CDH18: variants seen among roughly 807,000 people sequenced by gnomAD.
CDH18 encodes the protein cadherin-18.
In CDH18, 31 loss-of-function variants were observed where a neutral mutation model predicts 67.9. That is an observed-to-expected ratio of 0.46 (90% CI 0.34 to 0.62). The LOEUF is 0.62. Ranked by LOEUF, CDH18 falls within the 20% of genes least tolerant of loss-of-function variation. The pLI is 0.01. For missense variants in CDH18, 890 were observed against 975.5 expected (o/e 0.91, Z 1.17); for synonymous variants, 362 against 347.2 (o/e 1.04, Z -0.48).
At chr5:19,875,711 ATTTG>A (rs569772906) in intron 2 of CDH18, among the ~76,000 whole-genome samples, 23 of 152,002 alleles carry the variant, frequency 1.5e-4, no homozygotes, top group African/African-American at 2.4e-4. Flanking sequence ...TCTAGAAAGA[ATTTG>A]TTTACTTTTT....
intron 2 of CDH18, among the ~76,000 whole-genome samples, chr5:20,025,366 A>G (rs1339876018): frequency 6.6e-6 from 1 of 152,206 alleles, no homozygotes; most frequent in Non-Finnish European, 1.5e-5. Context: ...AATAATCAAT[A>G]ATTACAACTT....
At chr5:20,027,237 AATAT>A (rs1192829767) in intron 2 of CDH18, among the ~76,000 whole-genome samples, 3 of 152,278 alleles carry the variant, frequency 2.0e-5, no homozygotes, top group African/African-American at 7.2e-5. Context: ...TATGTGTTTG[AATAT>A]ATAAATAGCT....
chr5:20,572,684 T>A (rs751252785), intron 1 of CDH18, among the ~76,000 whole-genome samples: 3 of 152,128 alleles, frequency 2.0e-5, no homozygotes, highest in Non-Finnish European at 4.4e-5. Context: ...AGTGGTTTGA[T>A]GAGTATAACA....
chr5:19,779,191 A>G (rs1415294352), intron 3 of CDH18, among the ~76,000 whole-genome samples: 4 of 152,182 alleles, frequency 2.6e-5, no homozygotes, highest in African/African-American at 9.6e-5. Context: ...CAACAAGTTA[A>G]TAGCAGACAG....
chr5:20,371,023 C>T lies in CDH18; in HGVS notation c.-579-115518G>A, dbSNP rs1306246224. Among the ~76,000 whole-genome samples, 5 of 144,436 alleles carry T rather than the reference C, an allele frequency of 3.5e-5. No individual in the cohort carries two copies. The East Asian group carries it at 6.6e-4, about 19-fold the overall frequency. 94.8% of individuals were successfully genotyped at this position (144,436 alleles called of 152,430 possible). A position where few individuals can be genotyped will look rare whatever the true frequency, so the allele number is the denominator to read the frequency against. On this transcript the variant is annotated intron_variant, in intron 1 of 14. Coordinates refer to the CDH18 transcript ENST00000507958. ...TTGCACTCCACCCTGGGCGACAGGGCGAGACTCTGTCTCAAAAAAAAAAAG... is the reference window on the plus strand; with the variant it reads ...TTGCACTCCACCCTGGGCGACAGGGTGAGACTCTGTCTCAAAAAAAAAAAG...
intron 3 of CDH18, among the ~76,000 whole-genome samples, chr5:19,766,084 G>A (rs1346064987): frequency 1.3e-5 from 2 of 152,004 alleles, no homozygotes; most frequent in African/African-American, 2.4e-5. Flanking sequence ...TCACCATGTT[G>A]GTCAGACTGG....
At chr5:19,739,985 GA>G (rs554030221) in intron 4 of CDH18, among the ~76,000 whole-genome samples, 4 of 149,298 alleles carry the variant, frequency 2.7e-5, no homozygotes, top group East Asian at 2.0e-4. Flanking sequence ...GATTGGAGGT[GA>G]AAAAAAAAGA....
intron 1 of CDH18, among the ~76,000 whole-genome samples, chr5:20,310,531 G>A (rs1038293469): frequency 7.2e-5 from 11 of 152,238 alleles, no homozygotes; most frequent in Admixed American, 6.5e-4. Context: ...CAATTTGTTG[G>A]TCATGTGACC....
chr5:19,612,457 T>C lies in CDH18; in HGVS notation c.788A>G (p.Asp263Gly). 1 of 1,614,152 alleles carries C rather than the reference T, an allele frequency of 6.2e-7. No homozygotes were observed. The highest frequency in any genetic ancestry group is 8.5e-7 in the Non-Finnish European group (1 of 1,180,008). ...ACTTTGAGGAAAGCGTGGTGGGTTG[T>C]CATTGACATCGGTTAAGGTGATGTT... ...TVNITLTDVN[D>G]NPPRFPQKHY... Residue 263 changes from aspartate (D) to glycine (G), a missense_variant, in exon 6 of 13, where the codon GAC becomes GGC. By Grantham distance (94) the Asp-to-Gly change is moderately conservative (BLOSUM62 -1). Coordinates refer to ENST00000382275, the MANE Select transcript of CDH18 (RefSeq NM_004934.5).
intron 3 of CDH18, among the ~76,000 whole-genome samples, chr5:19,773,349 T>G (rs992838660): frequency 1.3e-5 from 2 of 152,176 alleles, no homozygotes; most frequent in Non-Finnish European, 2.9e-5. Context: ...ATGCAATTAT[T>G]TTAATCTAAA....
chr5:19,571,494 T>C (rs1303947922), intron 8 of CDH18, 85 bp downstream of exon 8: 1 of 1,196,094 alleles, frequency 8.4e-7, no homozygotes, highest in Non-Finnish European at 1.2e-6. Context: ...AAATAAAACA[T>C]TTTAAGTGTA....
chr5:19,793,001 A>G (rs996071199), intron 3 of CDH18, among the ~76,000 whole-genome samples: 5 of 152,138 alleles, frequency 3.3e-5, no homozygotes, highest in African/African-American at 9.7e-5. Context: ...CATTTGGGAC[A>G]GTGAAATAAT....
chr5:19,954,453 T>C (rs948054855), intron 2 of CDH18, among the ~76,000 whole-genome samples: 2 of 152,068 alleles, frequency 1.3e-5, no homozygotes, highest in Admixed American at 6.6e-5. Context: ...GAGAAATTCC[T>C]ATTGAGTGCT....
chr5:20,522,677 C>T (rs1399660862), intron 1 of CDH18, among the ~76,000 whole-genome samples: 1 of 152,136 alleles, frequency 6.6e-6, no homozygotes, highest in Non-Finnish European at 1.5e-5. Flanking sequence ...TTTTACATTT[C>T]TGGAACATTT....
intron 5 of CDH18, among the ~76,000 whole-genome samples, chr5:19,618,635 C>T (rs528861890): frequency 6.6e-6 from 1 of 152,172 alleles, no homozygotes; most frequent in African/African-American, 2.4e-5. Flanking sequence ...ATAACTAAAT[C>T]ATGTAAAGTG....
chr5:19,823,450 C>T (rs1284633118), intron 3 of CDH18, among the ~76,000 whole-genome samples: 2 of 152,108 alleles, frequency 1.3e-5, no homozygotes, highest in Non-Finnish European at 2.9e-5. Flanking sequence ...CTTCATAATC[C>T]ACATTCTTCT....
Position 19,860,436 on chromosome 5 carries a change from T to C in CDH18, c.-256-21194A>G, listed in dbSNP as rs575874392. Among the ~76,000 whole-genome samples the C allele has an allele frequency of 3.0e-3, 436 of 147,764 alleles. 3 individuals carry two copies. The highest frequency in any genetic ancestry group is 5.3e-3 in the Non-Finnish European group (358 of 67,836). ...ATTGCCTTCTTTTCTTCTTCTTCTT[T>C]TTTTTTTTTCCTATTATGGCACTTT... On this transcript the variant is annotated intron_variant, in intron 2 of 12. Coordinates refer to ENST00000382275, the MANE Select transcript of CDH18 (RefSeq NM_004934.5).
At chr5:20,168,661 G>A (rs967195765) in intron 2 of CDH18, among the ~76,000 whole-genome samples, 3 of 151,998 alleles carry the variant, frequency 2.0e-5, no homozygotes, top group Admixed American at 6.6e-5. Context: ...GGCATATGAC[G>A]CTCTACAGTT....
intron 7 of CDH18, among the ~76,000 whole-genome samples, chr5:19,584,927 C>T (rs769721957): frequency 1.3e-5 from 2 of 150,824 alleles, no homozygotes; most frequent in African/African-American, 4.9e-5. Flanking sequence ...CACTAGGGAC[C>T]GAGGCGGCAG....
Sources: gnomAD v4.1 joint callset for allele counts (sites outside exome capture counted in the v4.1 genomes callset) on GRCh38, gnomAD v4.1.1 for gene constraint, MANE v1.5 for transcripts, NCBI Gene and HGNC (gene_info 2026-07-23, HGNC 2026-07-21) for gene names.